The following LYRM1 variants were observed in gnomAD, a reference collection of about 807,000 sequenced individuals.
The protein encoded by LYRM1 is LYR motif-containing protein 1.
A neutral mutation model predicts 14.9 loss-of-function variants in LYRM1; 14 were observed. The ratio of observed to expected loss-of-function variants is 0.94; its 90% CI spans 0.62 to 1.47. The LOEUF (loss-of-function observed/expected upper bound fraction) is 1.47, where lower values mean the gene tolerates loss of function less well. LYRM1 is among the 40% of genes most tolerant of loss of function. The pLI is 0.00. For missense variants in LYRM1, 153 were observed against 149.9 expected (o/e 1.02, Z -0.11); for synonymous variants, 43 against 56.2 (o/e 0.77, Z 1.05).
intron 2 of LYRM1, among the ~76,000 whole-genome samples, chr16:20,919,441 C>A (rs1032089215): frequency 9.9e-5 from 15 of 152,160 alleles, no homozygotes; most frequent in Non-Finnish European, 2.1e-4. Context: ...CTGGGAATAT[C>A]TGTGAGAATT....
chr16:20,920,273 C>G, intron 3 of LYRM1, 59 bp downstream of exon 3: 1 of 1,262,734 alleles, frequency 7.9e-7, no homozygotes, highest in Non-Finnish European at 1.2e-6. Context: ...CTGGTTATTT[C>G]CAAGAATGTG....
intron 1 of LYRM1, among the ~76,000 whole-genome samples, chr16:20,903,321 C>T (rs995305830): frequency 5.3e-5 from 8 of 152,216 alleles, no homozygotes; most frequent in Non-Finnish European, 1.5e-5. Context: ...GAGCTGTCTC[C>T]CGTCTATGTG....
chr16:20,900,398 T>C (rs1596649196), upstream of LYRM1: 1 of 134,008 alleles, frequency 7.5e-6, no homozygotes, highest in African/African-American at 2.8e-5. Flanking sequence ...CCCCGCCCCC[T>C]CCATCGCCTC....
intron 1 of LYRM1, among the ~76,000 whole-genome samples, chr16:20,913,673 C>A (rs1345863170): frequency 2.0e-5 from 3 of 152,072 alleles, no homozygotes; most frequent in Non-Finnish European, 4.4e-5. Context: ...GGGAATTATG[C>A]TTTTGAAAAA....
intron 1 of LYRM1, among the ~76,000 whole-genome samples, chr16:20,911,462 A>G (rs2082588672): frequency 6.6e-6 from 1 of 152,166 alleles, no homozygotes; most frequent in Non-Finnish European, 1.5e-5. Flanking sequence ...AAAATGGATC[A>G]TGTTCCCAAA....
Position 20,901,532 on chromosome 16 carries a change from G to C in LYRM1, c.-1+643G>C, listed in dbSNP as rs1206494019. Among the ~76,000 whole-genome samples the C allele has an allele frequency of 1.3e-5, 2 of 152,220 alleles. No individual in the cohort carries two copies. The highest frequency in any genetic ancestry group is 1.3e-4 in the Admixed American group (2 of 15,284). Reference sequence around the variant, plus strand: ...CAATGGGTTTTCTGGGTGGAGAGAAGAGCCAATGAGAAGGACTTTTAGGTT... The same window carrying C: ...CAATGGGTTTTCTGGGTGGAGAGAACAGCCAATGAGAAGGACTTTTAGGTT... On this transcript the variant is annotated intron_variant, in intron 1 of 3. Coordinates refer to ENST00000567954, the MANE Select transcript of LYRM1 (RefSeq NM_001128302.3). The surrounding 1 kb of genome is among the most constrained non-coding windows in gnomAD (Gnocchi z 4.6).
chr16:20,904,127 A>G (rs1242410330), intron 1 of LYRM1, among the ~76,000 whole-genome samples: 1 of 152,146 alleles, frequency 6.6e-6, no homozygotes, highest in Non-Finnish European at 1.5e-5. Flanking sequence ...CTGTTAAAAT[A>G]TGCTAATAAG....
rs190734029 is a variant in LYRM1, at chr16:20,902,761, T to C, written c.-1+1872T>C. ...AGAAAACCTGACTTTTTGGATAAAT[T>C]GTCTGTTTATATGGCTGTCTCCCCC... On this transcript the variant is annotated intron_variant, in intron 1 of 3. Transcript: ENST00000567954. The C allele has an allele frequency of 5.3e-5, 8 of 152,308 alleles. No homozygotes were observed. The East Asian group carries it at 1.3e-3, about 26-fold the overall frequency. 9.4% of individuals were successfully genotyped at this position (152,308 alleles called of 1,614,324 possible).
chr16:20,907,826 G>C (rs1045039963), intron 1 of LYRM1, among the ~76,000 whole-genome samples: 3 of 151,894 alleles, frequency 2.0e-5, no homozygotes, highest in Non-Finnish European at 4.4e-5. Flanking sequence ...CCCCACCTCT[G>C]GTCATTTGTA....
Position 20,901,992 on chromosome 16 carries a change from C to T in LYRM1, c.-1+1103C>T, listed in dbSNP as rs2082085851. Among the ~76,000 whole-genome samples the T allele has an allele frequency of 6.6e-6, 1 of 152,182 alleles. No individual in the cohort carries two copies. The highest frequency in any genetic ancestry group is 2.4e-5 in the African/African-American group (1 of 41,444). On this transcript the variant is annotated intron_variant, in intron 1 of 3. Transcript: ENST00000567954. The surrounding 1 kb of genome is among the most constrained non-coding windows in gnomAD (Gnocchi z 4.6). ...TACAAAAATCAGCTGGGCGTAGTGGCACGCGCCTGTAATCTCTGCTACTCA... is the reference window on the plus strand; with the variant it reads ...TACAAAAATCAGCTGGGCGTAGTGGTACGCGCCTGTAATCTCTGCTACTCA...
intron 2 of LYRM1, among the ~76,000 whole-genome samples, chr16:20,916,465 A>G (rs2082908405): frequency 6.6e-6 from 1 of 152,148 alleles, no homozygotes; most frequent in Non-Finnish European, 1.5e-5. Flanking sequence ...ACTTCCTAAC[A>G]GTCTACTCTC....
chr16:20,914,455 A>ATTTTT (rs35172104), intron 1 of LYRM1, among the ~76,000 whole-genome samples: 7 of 132,226 alleles, frequency 5.3e-5, no homozygotes, highest in Non-Finnish European at 8.1e-5. Flanking sequence ...CACCTGGCTA[A>ATTTTT]TTTTTTTTTT....
At chr16:20,908,159 A>AG (rs2152534116) in intron 1 of LYRM1, among the ~76,000 whole-genome samples, 1 of 152,160 alleles carries the variant, frequency 6.6e-6, no homozygotes, top group East Asian at 1.9e-4. Context: ...GGAAGAGCAA[A>AG]GCGGTGCAGC....
At chr16:20,912,544 T>C (rs906287616) in intron 1 of LYRM1, among the ~76,000 whole-genome samples, 3 of 152,026 alleles carry the variant, frequency 2.0e-5, no homozygotes, top group Non-Finnish European at 4.4e-5. Context: ...GTGCTGGGAT[T>C]ACAGGCATGA....
intron 1 of LYRM1, among the ~76,000 whole-genome samples, chr16:20,910,243 C>G (rs557181809): frequency 9.9e-5 from 15 of 152,170 alleles, no homozygotes; most frequent in Non-Finnish European, 2.1e-4. Flanking sequence ...AAACATTTTT[C>G]TTTTCTTGCC....
intron 2 of LYRM1, among the ~76,000 whole-genome samples, chr16:20,918,927 G>T (rs769188126): frequency 6.6e-6 from 1 of 151,060 alleles, no homozygotes; most frequent in Non-Finnish European, 1.5e-5. Context: ...TGCTCCAAGA[G>T]GTACCATAGG....
chr16:20,922,672 T>C (rs930992123), intron 3 of LYRM1, among the ~76,000 whole-genome samples: 2 of 152,088 alleles, frequency 1.3e-5, no homozygotes, highest in Admixed American at 1.3e-4. Context: ...GTACTTTTAG[T>C]AGATATAGGG....
intron 1 of LYRM1, among the ~76,000 whole-genome samples, chr16:20,904,045 C>T (rs752477062): frequency 6.6e-6 from 1 of 152,066 alleles, no homozygotes; most frequent in South Asian, 2.1e-4. Context: ...ACATCTCTTC[C>T]ACTGCCTTCT....
At chr16:20,907,889 A>T (rs997675411) in intron 1 of LYRM1, among the ~76,000 whole-genome samples, 2 of 152,114 alleles carry the variant, frequency 1.3e-5, no homozygotes, top group Admixed American at 6.6e-5. Context: ...GTTCTTGTAC[A>T]TCATCTGCCT....
Sources: allele counts gnomAD v4.1 joint callset (sites outside exome capture counted in the v4.1 genomes callset), GRCh38; gene constraint gnomAD v4.1.1; non-coding constraint Gnocchi (gnomAD v3.1); transcripts MANE v1.5; gene names NCBI Gene and HGNC (gene_info 2026-07-23, HGNC 2026-07-21).